ZMYND8: variants seen among roughly 807,000 people sequenced by gnomAD.
ZMYND8 encodes MYND-type zinc finger-containing chromatin reader ZMYND8.
Under a neutral mutation model 140.8 loss-of-function variants are expected in ZMYND8, and 37 were observed. That is an observed-to-expected ratio of 0.26 (90% CI 0.20 to 0.35). The LOEUF (loss-of-function observed/expected upper bound fraction) is 0.35, where lower values mean the gene tolerates loss of function less well. ZMYND8 is among the 10% of genes least tolerant of loss of function. The pLI is 1.00. For missense variants in ZMYND8, 1,068 were observed against 1,570.0 expected (o/e 0.68, Z 5.40); for synonymous variants, 592 against 597.1 (o/e 0.99, Z 0.12).
At chr20:47,264,580 A>G (rs1039520963) in intron 11 of ZMYND8, among the ~76,000 whole-genome samples, 6 of 152,164 alleles carry the variant, frequency 3.9e-5, no homozygotes, top group Non-Finnish European at 8.8e-5. Context: ...CCCAGCCTAT[A>G]ATTAAGTTTT....
chr20:47,298,613 A>G lies in ZMYND8; in HGVS notation c.453+116T>C. Reference sequence around the variant, plus strand: ...GGTGACCAGGATAGAACAGGTGGAAAGCAAGAAATTTCTCTTTTCCATCTA... The same window carrying G: ...GGTGACCAGGATAGAACAGGTGGAAGGCAAGAAATTTCTCTTTTCCATCTA... On this transcript the variant is annotated intron_variant, in intron 4 of 22. Coordinates refer to ENST00000471951, the MANE Select transcript of ZMYND8 (RefSeq NM_001281775.3). This position sits in a 1 kb window ranked among gnomAD's most constrained non-coding sequence, Gnocchi z 5.0. 1.3e-6 allele frequency: 2 copies of G among 1,507,724 alleles called. No homozygotes were observed. Among genetic ancestry groups the G allele is most frequent in the Non-Finnish European group, 1.8e-6 (2 of 1,126,788 alleles). The allele number at this position is 1,507,724 out of a possible 1,614,324, so 93.4% of individuals were successfully genotyped here.
intron 14 of ZMYND8, among the ~76,000 whole-genome samples, chr20:47,245,747 T>C (rs1020338554): frequency 6.6e-6 from 1 of 152,218 alleles, no homozygotes; most frequent in Admixed American, 6.5e-5. Flanking sequence ...CAGACTTCTC[T>C]TTCTGTACTC....
At chr20:47,313,349 G>A (rs1346396239) in intron 2 of ZMYND8, among the ~76,000 whole-genome samples, 3 of 152,000 alleles carry the variant, frequency 2.0e-5, no homozygotes, top group South Asian at 2.1e-4. Context: ...GAGGCCGGGC[G>A]CAGTGGCTCA....
At chr20:47,338,689 TC>T (rs1443593298) in intron 2 of ZMYND8, among the ~76,000 whole-genome samples, 1 of 152,062 alleles carries the variant, frequency 6.6e-6, no homozygotes, top group African/African-American at 2.4e-5. Flanking sequence ...GCACGAGAGC[TC>T]AGTTTCACAT....
At chr20:47,234,100 G>A (rs2038903118) in intron 16 of ZMYND8, among the ~76,000 whole-genome samples, 1 of 152,242 alleles carries the variant, frequency 6.6e-6, no homozygotes, top group African/African-American at 2.4e-5. Flanking sequence ...CCAGGCTGGA[G>A]TGCAGTGGCA....
Position 47,224,568 on chromosome 20 carries a change from G to C in ZMYND8, c.3017-12C>G. ...CGCCATGGTCAGCTCTGGTGGAGGA[G>C]GGGAAGAACACCGCTCATCACCTGA... On this transcript the variant is annotated splice_polypyrimidine_tract_variant and intron_variant, in intron 18 of 22. Transcript: ENST00000471951. 1 of 1,611,920 alleles carries C rather than the reference G, an allele frequency of 6.2e-7. No individual in the cohort carries two copies. Among genetic ancestry groups the C allele is most frequent in the Non-Finnish European group, 8.5e-7 (1 of 1,180,018 alleles).
At chr20:47,308,418 G>T (rs2078670417) in intron 3 of ZMYND8, among the ~76,000 whole-genome samples, 1 of 151,756 alleles carries the variant, frequency 6.6e-6, no homozygotes, top group Non-Finnish European at 1.5e-5. Flanking sequence ...CAGGGTTTTT[G>T]CCACATTGGC....
chr20:47,286,623 T>C (rs1451579317), intron 8 of ZMYND8, among the ~76,000 whole-genome samples: 2 of 152,190 alleles, frequency 1.3e-5, no homozygotes, highest in East Asian at 1.9e-4. Context: ...CACTGACAGG[T>C]TGAAGGTCAT....
At chr20:47,217,883 C>T (rs574899815) in intron 21 of ZMYND8, among the ~76,000 whole-genome samples, 4 of 149,724 alleles carry the variant, frequency 2.7e-5, no homozygotes, top group East Asian at 2.1e-4. Flanking sequence ...CCCCCCTCTT[C>T]CCCCCACCAT....
chr20:47,336,366 C>A (rs543267643), intron 2 of ZMYND8, among the ~76,000 whole-genome samples: 40 of 152,322 alleles, frequency 2.6e-4, no homozygotes, highest in South Asian at 6.2e-4. Flanking sequence ...GTGCGTGTTT[C>A]CAAGTCGTTC....
chr20:47,236,593 G>A lies in ZMYND8; in HGVS notation c.2666-77C>T, dbSNP rs1357813847. 10 of 1,370,402 alleles carry A rather than the reference G, an allele frequency of 7.3e-6. No individual in the cohort carries two copies. The East Asian group carries it at 2.7e-4, about 37-fold the overall frequency. The allele number at this position is 1,370,402 out of a possible 1,614,324, so 84.9% of individuals were successfully genotyped here. On this transcript the variant is annotated intron_variant, in intron 15 of 22. Coordinates refer to ENST00000471951, the MANE Select transcript of ZMYND8 (RefSeq NM_001281775.3). ...CACAAAGCTGTGGTGTAGAAGCAAAGCCCCTAATAGACATCCTGAGAGCTT... is the reference window on the plus strand; with the variant it reads ...CACAAAGCTGTGGTGTAGAAGCAAAACCCCTAATAGACATCCTGAGAGCTT...
chr20:47,274,038 C>G (rs1222612009), intron 11 of ZMYND8, among the ~76,000 whole-genome samples: 2 of 150,438 alleles, frequency 1.3e-5, no homozygotes, highest in Non-Finnish European at 2.9e-5. Context: ...GGGGATTCAA[C>G]TAACTTCTCA....
chr20:47,255,248 T>C (rs904835460), intron 12 of ZMYND8, among the ~76,000 whole-genome samples: 24 of 152,078 alleles, frequency 1.6e-4, no homozygotes, highest in African/African-American at 5.8e-4. Flanking sequence ...GCAACAGTGG[T>C]GACGTGCAGG....
chr20:47,241,751 G>A (rs766624358), intron 14 of ZMYND8, among the ~76,000 whole-genome samples: 1 of 151,888 alleles, frequency 6.6e-6, no homozygotes, highest in African/African-American at 2.4e-5. Flanking sequence ...CCAGCACCCC[G>A]ATCTTGGACT....
At chr20:47,213,461 G>A (rs1008186383) in intron 21 of ZMYND8, among the ~76,000 whole-genome samples, 2 of 152,078 alleles carry the variant, frequency 1.3e-5, no homozygotes, top group African/African-American at 4.8e-5. Flanking sequence ...TGAATGATAT[G>A]GTCATAATCA....
chr20:47,294,040 C>A (rs899041455), intron 5 of ZMYND8, among the ~76,000 whole-genome samples: 1 of 152,102 alleles, frequency 6.6e-6, no homozygotes, highest in Admixed American at 6.6e-5. Flanking sequence ...CCATGCAGAA[C>A]TGTGAGTCAA....
intron 2 of ZMYND8, among the ~76,000 whole-genome samples, chr20:47,336,049 C>T (rs1445985225): frequency 6.6e-6 from 1 of 152,206 alleles, no homozygotes; most frequent in East Asian, 1.9e-4. Context: ...ATTCTCAGCA[C>T]TTCTGCATCG....
chr20:47,350,038 T>C, intron 1 of ZMYND8: 5 of 1,451,886 alleles, frequency 3.4e-6, no homozygotes, highest in Non-Finnish European at 4.5e-6. Flanking sequence ...TATTTGCTTC[T>C]GAGTTTTAAG....
chr20:47,226,396 A>G (rs2037715295), intron 18 of ZMYND8, among the ~76,000 whole-genome samples: 1 of 152,160 alleles, frequency 6.6e-6, no homozygotes, highest in African/African-American at 2.4e-5. Context: ...AATCACTTCT[A>G]CCTTTGGGGA....
Sources: allele counts gnomAD v4.1 joint callset (sites outside exome capture counted in the v4.1 genomes callset), GRCh38; gene constraint gnomAD v4.1.1; non-coding constraint Gnocchi (gnomAD v3.1); transcripts MANE v1.5; gene names NCBI Gene and HGNC (gene_info 2026-07-23, HGNC 2026-07-21).